KIF21A: variants seen among roughly 807,000 people sequenced by gnomAD.
KIF21A encodes the protein kinesin-like protein KIF21A.
In KIF21A, 114 loss-of-function variants were observed where a neutral mutation model predicts 202.9. The observed-to-expected ratio is 0.56, with a 90% confidence interval of 0.48 to 0.66. The LOEUF (loss-of-function observed/expected upper bound fraction) is 0.66. KIF21A is among the 30% of genes least tolerant of loss of function. KIF21A has a pLI of 0.00. For missense variants in KIF21A, 1,677 were observed against 1,994.9 expected, an observed-to-expected ratio of 0.84 and a Z score of 3.04; for synonymous variants, 667 against 670.8, an observed-to-expected ratio of 0.99 and a Z score of 0.09.
At chr12:39,347,425 T>A (rs373086928) in intron 11 of KIF21A, among the ~76,000 whole-genome samples, 161 of 152,104 alleles carry the variant, frequency 1.1e-3, no homozygotes, top group African/African-American at 3.6e-3. Flanking sequence ...AAAAGACAGA[T>A]GTGCTAGGCT....
At chr12:39,340,700 T>G (rs1255108480) in intron 15 of KIF21A, among the ~76,000 whole-genome samples, 1 of 151,972 alleles carries the variant, frequency 6.6e-6, no homozygotes, top group African/African-American at 2.4e-5. Flanking sequence ...ATGAGACAAA[T>G]TAACATATAA....
chr12:39,375,822 G>C (rs1950237626), intron 1 of KIF21A, among the ~76,000 whole-genome samples: 3 of 152,028 alleles, frequency 2.0e-5, no homozygotes, highest in Admixed American at 6.6e-5. Context: ...CCTTTGGCAA[G>C]TCACTCTCTC....
At position 39,427,663 on chromosome 12, in the gene KIF21A, T is replaced by TTTTG. The variant is rs112181911; in HGVS notation, c.44+15260_44+15263dup. ...ACAAAGATGACTGCTATTGCATCTT[T>TTTTG]TTTGTTTGTTTGTTTGAGACGGTCT... On this transcript the variant is annotated intron_variant, in intron 1 of 37. Transcript: ENST00000361418. 2.2e-3 allele frequency among the ~76,000 whole-genome samples: 328 copies of TTTTG among 152,276 alleles called. 3 individuals are homozygous for TTTTG. The highest frequency in any genetic ancestry group is 7.1e-3 in the African/African-American group (296 of 41,536).
intron 29 of KIF21A, 97 bp downstream of exon 29, chr12:39,317,976 T>C: frequency 7.9e-7 from 1 of 1,267,834 alleles, no homozygotes. Flanking sequence ...TCAGGCTCCA[T>C]CTCCTACACA....
chr12:39,339,509 T>C (rs886777670), intron 16 of KIF21A, among the ~76,000 whole-genome samples: 2 of 152,170 alleles, frequency 1.3e-5, no homozygotes, highest in Non-Finnish European at 2.9e-5. Flanking sequence ...TAAAAATGCA[T>C]TTCTCAGAAT....
intron 28 of KIF21A, 28 bp downstream of exon 28, chr12:39,319,878 T>C (rs1945014797): frequency 7.9e-7 from 1 of 1,258,154 alleles, no homozygotes; most frequent in South Asian, 1.2e-5. Context: ...TAATACAGTC[T>C]AGCAGGTAAA....
chr12:39,327,771 G>A (rs1946098485), intron 24 of KIF21A, among the ~76,000 whole-genome samples: 1 of 152,164 alleles, frequency 6.6e-6, no homozygotes, highest in Non-Finnish European at 1.5e-5. Flanking sequence ...TACCTGGGCA[G>A]CAGGACACAC....
rs1434801548 is a variant in KIF21A, at chr12:39,307,684, G to A, written c.4323C>T (p.Thr1441=). ...VTLGDACSAS[T]SRTVAIPSGE... ...CAGAAGGAATAGCTACTGTTCGACTGGTACTTGCAGAACAAGCATCTCCAA... is the reference window on the plus strand; with the variant it reads ...CAGAAGGAATAGCTACTGTTCGACTAGTACTTGCAGAACAAGCATCTCCAA... Residue 1441 remains threonine (T), a synonymous_variant, in exon 34 of 38, where the codon ACC becomes ACT. Transcript: ENST00000361418. 1.8e-5 allele frequency: 29 copies of A among 1,613,870 alleles called. 1 individual carries two copies. The highest frequency in any genetic ancestry group is 2.4e-5 in the Non-Finnish European group (28 of 1,179,934).
chr12:39,410,995 T>C (rs757214579), intron 1 of KIF21A, among the ~76,000 whole-genome samples: 9 of 152,170 alleles, frequency 5.9e-5, no homozygotes, highest in Non-Finnish European at 7.3e-5. Context: ...TTACCACTGC[T>C]AGCCTTCTCT....
chr12:39,318,241 G>A (rs369871768), intron 28 of KIF21A, 40 bp from the exon 29 acceptor site: 180 of 1,599,502 alleles, frequency 1.1e-4, no homozygotes, highest in Non-Finnish European at 1.5e-4. Context: ...GGCTTTAATT[G>A]GTTATGATTT....
chr12:39,351,782 T>G lies in KIF21A; in HGVS notation c.1668A>C (p.Lys556Asn). The G allele has an allele frequency of 1.3e-6, 2 of 1,541,440 alleles. No individual in the cohort carries two copies. Among genetic ancestry groups the G allele is most frequent in the Non-Finnish European group, 1.8e-6 (2 of 1,115,974 alleles). ...TGGTGATTTTATAATCCCACCTTTT[T>G]TTCTTCCTCTTTTCTTTTCTTTTCA... ...EKLKRKEKRK[K>N]KRLQKLEESN... is the part of the protein sequence containing the mutation. The change falls in exon 11 of 38, where the codon AAA becomes AAC. Residue 556 changes from lysine to asparagine, a missense_variant. Physicochemically the swap from Lys to Asn is moderately conservative, Grantham distance 94. This residue lies in a region of KIF21A where 966 missense variants were observed against 1,180.9 expected (regional missense o/e 0.82). Transcript: ENST00000361418.
Position 39,332,620 on chromosome 12 carries a change from T to C in KIF21A, c.2827A>G (p.Met943Val), listed in dbSNP as rs372545573. Residue 943 changes from methionine (M) to valine (V), a missense_variant, in exon 20 of 38, where the codon ATG (methionine) becomes GTG (valine). Coordinates refer to ENST00000361418, the MANE Select transcript of KIF21A (RefSeq NM_001173464.2). ...AGGAGTCTATTCATATCTGCCTCCA[T>C]GTTGGAAATGGTCATCTTCTGCATG... is the stretch of plus-strand genomic sequence containing the variant. ...IIMQKMTISN[M>V]EADMNRLLKQ... 21 of 1,613,890 alleles carry C rather than the reference T, an allele frequency of 1.3e-5. No individual in the cohort carries two copies. The highest frequency in any genetic ancestry group is 1.7e-5 in the Non-Finnish European group (20 of 1,179,948).
At chr12:39,391,666 C>T (rs1404212442) in intron 1 of KIF21A, among the ~76,000 whole-genome samples, 1 of 152,128 alleles carries the variant, frequency 6.6e-6, no homozygotes, top group Non-Finnish European at 1.5e-5. Flanking sequence ...TATATGTAAT[C>T]ACATATATTA....
At chr12:39,435,604 C>G (rs1459355855) in intron 1 of KIF21A, among the ~76,000 whole-genome samples, 1 of 152,126 alleles carries the variant, frequency 6.6e-6, no homozygotes, top group Non-Finnish European at 1.5e-5. Context: ...TTCTAAACCA[C>G]TCAGATTTCT....
At chr12:39,396,638 T>TA (rs1951779553) in intron 1 of KIF21A, among the ~76,000 whole-genome samples, 1 of 152,188 alleles carries the variant, frequency 6.6e-6, no homozygotes, top group Admixed American at 6.5e-5. Flanking sequence ...AAAGAATACT[T>TA]ACGATAACTC....
chr12:39,344,026 T>C (rs1332368135), intron 12 of KIF21A, among the ~76,000 whole-genome samples: 1 of 152,156 alleles, frequency 6.6e-6, no homozygotes, highest in Non-Finnish European at 1.5e-5. Flanking sequence ...GGAGTACCAA[T>C]ACAACAGTCT....
At chr12:39,437,701 G>C (rs929843704) in intron 1 of KIF21A, among the ~76,000 whole-genome samples, 1 of 152,126 alleles carries the variant, frequency 6.6e-6, no homozygotes, top group African/African-American at 2.4e-5. Context: ...TGTTTAAAAA[G>C]CATTGTACTG....
At chr12:39,419,462 G>C (rs529497508) in intron 1 of KIF21A, among the ~76,000 whole-genome samples, 1 of 152,228 alleles carries the variant, frequency 6.6e-6, no homozygotes, top group South Asian at 2.1e-4. Context: ...CCTATGTGAA[G>C]GAACCATACT....
At position 39,332,218 on chromosome 12, in the gene KIF21A, G is replaced by T; in HGVS notation, c.3047C>A (p.Ala1016Glu). ...GCTTTTTTAAAAATTACAAACCTTT[G>T]CTTCTTCCATCTGCATTATGTTGGC... ...CQANIMQMEE[A>E]KEEGETLDVT... Residue 1016 changes from alanine to glutamate, a missense_variant, in exon 21 of 38, where the codon GCA becomes GAA. Coordinates refer to ENST00000361418, the MANE Select transcript of KIF21A (RefSeq NM_001173464.2). 6.2e-7 allele frequency: 1 copy of T among 1,613,012 alleles called. No homozygotes were observed. The highest frequency in any genetic ancestry group is 8.5e-7 in the Non-Finnish European group (1 of 1,179,438).
Sources: allele counts gnomAD v4.1 joint callset (sites outside exome capture counted in the v4.1 genomes callset), GRCh38; gene constraint gnomAD v4.1.1; regional missense constraint gnomAD v4.1.1; transcripts MANE v1.5; gene names NCBI Gene and HGNC (gene_info 2026-07-23, HGNC 2026-07-21).